HCN1: variants seen among roughly 807,000 people sequenced by gnomAD.
HCN1 encodes the protein hyperpolarization activated cyclic nucleotide gated potassium channel 1.
In HCN1, 13 loss-of-function variants were observed where a neutral mutation model predicts 78.9. The observed-to-expected ratio is 0.16, with a 90% CI of 0.11 to 0.26. The LOEUF (loss-of-function observed/expected upper bound fraction) is 0.26. HCN1 is among the 10% of genes least tolerant of loss of function. The probability of loss-of-function intolerance (pLI) is 1.00; values close to 1 mark genes in which losing one functional copy is unlikely to be tolerated. For synonymous variants in HCN1, 552 were observed against 455.5 expected (o/e 1.21, Z -2.70); for missense variants, 810 against 1,154.3 (o/e 0.70, Z 4.32).
intron 2 of HCN1, among the ~76,000 whole-genome samples, chr5:45,478,610 T>G (rs545356968): frequency 1.3e-5 from 2 of 152,214 alleles, no homozygotes; most frequent in South Asian, 4.1e-4. Context: ...GATCAACCAA[T>G]GAATGTAAGG....
chr5:45,622,652 A>C (rs1745091659), intron 2 of HCN1, among the ~76,000 whole-genome samples: 1 of 152,156 alleles, frequency 6.6e-6, no homozygotes, highest in Non-Finnish European at 1.5e-5. Context: ...CTTTGAAAAA[A>C]AGAAAAAGAG....
intron 2 of HCN1, among the ~76,000 whole-genome samples, chr5:45,523,835 C>T (rs1742669011): frequency 1.3e-5 from 2 of 152,098 alleles, no homozygotes; most frequent in Non-Finnish European, 2.9e-5. Context: ...ATAGTAGTTT[C>T]TTTTGCTGTG....
At chr5:45,276,219 C>A (rs1253090033) in intron 6 of HCN1, among the ~76,000 whole-genome samples, 3 of 152,130 alleles carry the variant, frequency 2.0e-5, no homozygotes, top group Non-Finnish European at 4.4e-5. Context: ...TTCTCACACA[C>A]ACACACACCA....
intron 2 of HCN1, among the ~76,000 whole-genome samples, chr5:45,567,947 T>C (rs957334408): frequency 4.1e-5 from 6 of 146,286 alleles, no homozygotes; most frequent in East Asian, 2.0e-4. Context: ...CACACACACA[T>C]ATACACACAC....
intron 6 of HCN1, among the ~76,000 whole-genome samples, chr5:45,297,639 A>T (rs1398965691): frequency 6.6e-6 from 1 of 152,084 alleles, no homozygotes; most frequent in Non-Finnish European, 1.5e-5. Flanking sequence ...CCTCATACAA[A>T]AATCAGAAAG....
intron 2 of HCN1, among the ~76,000 whole-genome samples, chr5:45,509,827 AG>A (rs1742375740): frequency 6.6e-6 from 1 of 152,112 alleles, no homozygotes; most frequent in South Asian, 2.1e-4. Flanking sequence ...ATTATTCTTC[AG>A]GCCTCACATG....
At chr5:45,514,528 T>A (rs749534969) in intron 2 of HCN1, among the ~76,000 whole-genome samples, 32 of 152,076 alleles carry the variant, frequency 2.1e-4, no homozygotes, top group Non-Finnish European at 4.1e-4. Flanking sequence ...TACAAATAGT[T>A]CCAATTCTAT....
At chr5:45,580,363 T>TG (rs909702308) in intron 2 of HCN1, among the ~76,000 whole-genome samples, 5 of 152,064 alleles carry the variant, frequency 3.3e-5, no homozygotes, top group Admixed American at 2.0e-4. Context: ...AAATTTCTCC[T>TG]GGGGGTCACA....
chr5:45,584,212 C>T (rs1561210021), intron 2 of HCN1, among the ~76,000 whole-genome samples: 1 of 151,996 alleles, frequency 6.6e-6, no homozygotes, highest in Non-Finnish European at 1.5e-5. Flanking sequence ...TCTGGGTGCT[C>T]CTGTATTGGG....
intron 2 of HCN1, among the ~76,000 whole-genome samples, chr5:45,574,103 T>A: frequency 6.6e-6 from 1 of 152,112 alleles, no homozygotes; most frequent in East Asian, 1.9e-4. Flanking sequence ...CTATCCACAA[T>A]ACCATGATGC....
chr5:45,401,052 A>C (rs1043171053), intron 3 of HCN1, among the ~76,000 whole-genome samples: 1 of 152,186 alleles, frequency 6.6e-6, no homozygotes, highest in Non-Finnish European at 1.5e-5. Context: ...TTGCCACTAC[A>C]AACTATTCTT....
chr5:45,440,718 C>G (rs1375158068), intron 3 of HCN1, among the ~76,000 whole-genome samples: 1 of 152,208 alleles, frequency 6.6e-6, no homozygotes, highest in Non-Finnish European at 1.5e-5. Context: ...TGTGTACTGA[C>G]TTAAACATTT....
At chr5:45,581,234 C>T (rs983028872) in intron 2 of HCN1, among the ~76,000 whole-genome samples, 1 of 152,184 alleles carries the variant, frequency 6.6e-6, no homozygotes, top group Non-Finnish European at 1.5e-5. Context: ...GCCATTCTAA[C>T]TGGTGTGAGA....
rs1489487344 is a variant in HCN1 at position 45,302,723 on chromosome 5, C to T, written c.1618+876G>A. Among the ~76,000 whole-genome samples the T allele has an allele frequency of 4.6e-5, 7 of 151,824 alleles. No individual in the cohort carries two copies. In the South Asian group the frequency reaches 1.0e-3, roughly 23 times the overall value. ...ACTTGAATTGTACCTCCCAGAATTC[C>T]CACATTTATGGGAGGGACCCAGGGG... On this transcript the variant is annotated intron_variant, in intron 6 of 7. Transcript: ENST00000303230.
intron 5 of HCN1, among the ~76,000 whole-genome samples, chr5:45,350,557 T>C (rs1010560635): frequency 3.3e-5 from 5 of 151,494 alleles, no homozygotes; most frequent in African/African-American, 1.2e-4. Context: ...ATAAAGGGTA[T>C]TCAATTAGGA....
At chr5:45,685,747 T>C (rs890790675) in intron 1 of HCN1, among the ~76,000 whole-genome samples, 1 of 151,998 alleles carries the variant, frequency 6.6e-6, no homozygotes, top group African/African-American at 2.4e-5. Flanking sequence ...GCTAACTGCC[T>C]CATGACTAGA....
intron 3 of HCN1, among the ~76,000 whole-genome samples, chr5:45,430,312 G>A (rs1425353772): frequency 6.6e-6 from 1 of 152,054 alleles, no homozygotes; most frequent in Non-Finnish European, 1.5e-5. Context: ...TGGTTCAGGG[G>A]TACATGTGTA....
At chr5:45,375,839 A>ATTTTATCT (rs1561131867) in intron 4 of HCN1, among the ~76,000 whole-genome samples, 1 of 120,800 alleles carries the variant, frequency 8.3e-6, no homozygotes, top group Non-Finnish European at 1.6e-5. Context: ...TATATCTTAT[A>ATTTTATCT]TATAATATAA....
At chr5:45,280,943 T>C (rs536343193) in intron 6 of HCN1, among the ~76,000 whole-genome samples, 12 of 152,164 alleles carry the variant, frequency 7.9e-5, no homozygotes, top group African/African-American at 2.9e-4. Context: ...GTAACTCCAG[T>C]TGGTTTACCA....
Sources: gnomAD v4.1 joint callset for allele counts (sites outside exome capture counted in the v4.1 genomes callset) on GRCh38, gnomAD v4.1.1 for gene constraint, MANE v1.5 for transcripts, NCBI Gene and HGNC (gene_info 2026-07-23, HGNC 2026-07-21) for gene names.